TRPC4: variants seen among roughly 807,000 people sequenced by gnomAD.
TRPC4 encodes the protein transient receptor potential cation channel subfamily C member 4.
In TRPC4, 49 loss-of-function variants were observed where a neutral mutation model predicts 99.4. The ratio of observed to expected loss-of-function variants is 0.49; its 90% confidence interval spans 0.39 to 0.63. The LOEUF is 0.63. Ranked by LOEUF, TRPC4 falls within the 20% of genes least tolerant of loss-of-function variation. The probability of loss-of-function intolerance (pLI) is 0.00; values close to 1 mark genes in which losing one functional copy is unlikely to be tolerated. For missense variants in TRPC4, 898 were observed against 1,152.9 expected, an observed-to-expected ratio of 0.78 and a Z score of 3.20; for synonymous variants, 454 against 425.9, an observed-to-expected ratio of 1.07 and a Z score of -0.81.
chr13:37,686,247 A>G (rs905876431), intron 4 of TRPC4, among the ~76,000 whole-genome samples: 3 of 152,084 alleles, frequency 2.0e-5, no homozygotes, highest in African/African-American at 7.2e-5. Flanking sequence ...AAATGGTCAC[A>G]AGACAGGAAG....
chr13:37,815,526 C>T (rs1392955603), intron 1 of TRPC4, among the ~76,000 whole-genome samples: 3 of 151,838 alleles, frequency 2.0e-5, no homozygotes, highest in Admixed American at 6.6e-5. Context: ...CAAAGAAGGG[C>T]ATTACATGAT....
intron 1 of TRPC4, among the ~76,000 whole-genome samples, chr13:37,824,374 G>A (rs2139555488): frequency 6.6e-6 from 1 of 150,394 alleles, no homozygotes; most frequent in East Asian, 2.0e-4. Context: ...AATGCTTCCA[G>A]TTTTTGCCCA....
intron 1 of TRPC4, among the ~76,000 whole-genome samples, chr13:37,854,289 A>C (rs528432077): frequency 1.1e-3 from 165 of 152,306 alleles, no homozygotes; most frequent in African/African-American, 3.8e-3. Flanking sequence ...ACAGTGCCGA[A>C]CGAAAAATAA....
intron 1 of TRPC4, among the ~76,000 whole-genome samples, chr13:37,784,399 C>T (rs1371450368): frequency 2.6e-5 from 4 of 151,910 alleles, no homozygotes; most frequent in Non-Finnish European, 4.4e-5. Flanking sequence ...ACAATAAATT[C>T]ACAAAGGTAC....
At chr13:37,846,316 G>A (rs541934317) in intron 1 of TRPC4, among the ~76,000 whole-genome samples, 3 of 152,184 alleles carry the variant, frequency 2.0e-5, no homozygotes, top group South Asian at 4.1e-4. Flanking sequence ...GGTGTGTAAA[G>A]CAACTTTATC....
intron 3 of TRPC4, among the ~76,000 whole-genome samples, chr13:37,723,211 T>C (rs542862679): frequency 6.6e-6 from 1 of 152,210 alleles, no homozygotes; most frequent in East Asian, 1.9e-4. Context: ...CAAAAGCATA[T>C]GATTAACACA....
chr13:37,639,334 C>A, intron 8 of TRPC4, 35 bp from the exon 9 acceptor site: 2 of 1,596,740 alleles, frequency 1.3e-6, no homozygotes, highest in Non-Finnish European at 1.7e-6. Context: ...TCTGGTTATA[C>A]TGTTATATTA....
At chr13:37,715,829 T>C (rs1954643452) in intron 3 of TRPC4, among the ~76,000 whole-genome samples, 1 of 152,170 alleles carries the variant, frequency 6.6e-6, no homozygotes, top group Admixed American at 6.6e-5. Flanking sequence ...TTGGCCTATA[T>C]TAAAAATTGT....
chr13:37,746,190 T>A lies in TRPC4; in HGVS notation c.644A>T (p.Asp215Val). ...SPSLIALSSE[D>V]PFLTAFQLSW... ...TAACTGAAAGGCTGTGAGAAAAGGATCTTCGCTTGACAGTGCAATGAGAGA... is the reference window on the plus strand; with the variant it reads ...TAACTGAAAGGCTGTGAGAAAAGGAACTTCGCTTGACAGTGCAATGAGAGA... Residue 215 changes from aspartate to valine, a missense_variant, in exon 3 of 11, where the codon GAT becomes GTT. By Grantham distance (152) the Asp-to-Val change is radical. Around this residue, in one of 3 missense-constraint regions of TRPC4, gnomAD observed 278 missense variants for 346.6 expected, o/e 0.80. Transcript: ENST00000379705. 1 of 1,613,856 alleles carries A rather than the reference T, an allele frequency of 6.2e-7. No individual in the cohort carries two copies. Among genetic ancestry groups the A allele is most frequent in the Non-Finnish European group, 8.5e-7 (1 of 1,179,878 alleles).
Position 37,864,422 on chromosome 13 carries a change from G to A in TRPC4, c.-28+5173C>T, listed in dbSNP as rs9576390. On this transcript the variant is annotated intron_variant, in intron 1 of 10. Coordinates refer to ENST00000379705, the MANE Select transcript of TRPC4 (RefSeq NM_016179.4). ...AGTTAAGTTTATTGAATAATGGTGG[G>A]TAAATTATTTTTGTAACATAAGAAA... Among the ~76,000 whole-genome samples, 3 of 151,546 alleles carry A rather than the reference G, an allele frequency of 2.0e-5. No homozygotes were observed. In the East Asian group the frequency reaches 5.8e-4, roughly 29 times the overall value.
intron 2 of TRPC4, among the ~76,000 whole-genome samples, chr13:37,749,451 G>C (rs1041469066): frequency 5.3e-5 from 8 of 152,122 alleles, no homozygotes; most frequent in African/African-American, 1.7e-4. Flanking sequence ...ATCAGGAACT[G>C]ATTGTCTTAG....
intron 4 of TRPC4, among the ~76,000 whole-genome samples, chr13:37,684,579 T>C (rs1404871156): frequency 6.6e-6 from 1 of 152,098 alleles, no homozygotes; most frequent in African/African-American, 2.4e-5. Context: ...CTTATGTAGA[T>C]AGGAAGACAA....
chr13:37,766,909 C>T (rs1210215358), intron 2 of TRPC4, among the ~76,000 whole-genome samples: 1 of 151,168 alleles, frequency 6.6e-6, no homozygotes, highest in Non-Finnish European at 1.5e-5. Context: ...TAATTTTACT[C>T]TAATGATATT....
intron 4 of TRPC4, among the ~76,000 whole-genome samples, chr13:37,688,235 G>A (rs1007595698): frequency 6.6e-6 from 1 of 152,104 alleles, no homozygotes; most frequent in Non-Finnish European, 1.5e-5. Context: ...CGTGGCAGAG[G>A]GATAGAAGAG....
chr13:37,708,628 A>G lies in TRPC4; in HGVS notation c.898-16293T>C, dbSNP rs75681405. 7.4e-4 allele frequency among the ~76,000 whole-genome samples: 112 copies of G among 151,158 alleles called. No individual in the cohort carries two copies. The East Asian group carries it at 0.021, about 29-fold the overall frequency. On this transcript the variant is annotated intron_variant, in intron 3 of 10. Coordinates refer to ENST00000379705, the MANE Select transcript of TRPC4 (RefSeq NM_016179.4). ...TCATATCTACCCTTAGAATTTAAGA[A>G]CAGTGGGCAATGGTCTAAAATTATG...
intron 2 of TRPC4, among the ~76,000 whole-genome samples, chr13:37,774,505 A>AT (rs1293834687): frequency 1.3e-5 from 2 of 151,732 alleles, no homozygotes; most frequent in Non-Finnish European, 2.9e-5. Context: ...TTATTTATTT[A>AT]TTTTTTAAAC....
chr13:37,657,047 A>G (rs1471332360), intron 6 of TRPC4, among the ~76,000 whole-genome samples: 1 of 152,244 alleles, frequency 6.6e-6, no homozygotes, highest in African/African-American at 2.4e-5. Flanking sequence ...GATTCCAGCT[A>G]AATATGCCTA....
chr13:37,723,151 T>A (rs1350021760), intron 3 of TRPC4, among the ~76,000 whole-genome samples: 2 of 152,164 alleles, frequency 1.3e-5, no homozygotes, highest in African/African-American at 2.4e-5. Flanking sequence ...ATCTTTATAA[T>A]CTTGTCCTTA....
intron 6 of TRPC4, among the ~76,000 whole-genome samples, chr13:37,661,288 G>A (rs1196795234): frequency 6.6e-6 from 1 of 152,092 alleles, no homozygotes; most frequent in Non-Finnish European, 1.5e-5. Flanking sequence ...TTTGATTTAT[G>A]TTATAATTAG....
Sources: gnomAD v4.1 joint callset for allele counts (sites outside exome capture counted in the v4.1 genomes callset) on GRCh38, gnomAD v4.1.1 for gene constraint, gnomAD v4.1.1 regional missense constraint, MANE v1.5 for transcripts, NCBI Gene and HGNC (gene_info 2026-07-23, HGNC 2026-07-21) for gene names.